The following TTC29 variants were observed in gnomAD, a reference collection of about 807,000 sequenced individuals.
The protein encoded by TTC29 is tetratricopeptide repeat protein 29.
A neutral mutation model predicts 58.1 loss-of-function variants in TTC29; 49 were observed. That is an observed-to-expected ratio of 0.84 (90% CI 0.67 to 1.07). TTC29 has a LOEUF of 1.07. Ranked by LOEUF, TTC29 falls within the 50% of genes least tolerant of loss-of-function variation. TTC29 has a pLI of 0.00. For missense variants in TTC29, 582 were observed against 555.6 expected (o/e 1.05, Z -0.48); for synonymous variants, 209 against 196.8 (o/e 1.06, Z -0.52).
At chr4:146,793,610 CA>C (rs1749626006) in intron 11 of TTC29, among the ~76,000 whole-genome samples, 1 of 152,096 alleles carries the variant, frequency 6.6e-6, no homozygotes, top group Non-Finnish European at 1.5e-5. Flanking sequence ...ACTGAACCCA[CA>C]ATATCTCCAA....
chr4:146,719,277 A>G (rs1368249515), intron 11 of TTC29, among the ~76,000 whole-genome samples: 3 of 151,562 alleles, frequency 2.0e-5, no homozygotes, highest in African/African-American at 7.3e-5. Flanking sequence ...TTTATGAAAA[A>G]TGACGTTAAA....
intron 8 of TTC29, among the ~76,000 whole-genome samples, chr4:146,843,304 C>G (rs753939951): frequency 6.6e-6 from 1 of 152,120 alleles, no homozygotes; most frequent in African/African-American, 2.4e-5. Flanking sequence ...TTAGGGATGT[C>G]GCTTTGTAAA....
chr4:146,757,396 C>A (rs7691011), intron 11 of TTC29, among the ~76,000 whole-genome samples: 2 of 152,056 alleles, frequency 1.3e-5, no homozygotes. Flanking sequence ...AATATCTATG[C>A]GTCTCTCAGC....
intron 11 of TTC29, among the ~76,000 whole-genome samples, chr4:146,714,872 ACTT>A (rs1294132183): frequency 7.2e-5 from 11 of 152,238 alleles, no homozygotes; most frequent in Middle Eastern, 3.4e-3. Flanking sequence ...GTAATTGTAA[ACTT>A]CTTCTTTTAT....
intron 11 of TTC29, among the ~76,000 whole-genome samples, chr4:146,785,606 A>C (rs1237040878): frequency 4.0e-5 from 6 of 151,774 alleles, no homozygotes; most frequent in Admixed American, 3.9e-4. Context: ...TCCTTAGAGA[A>C]CCTTCTTTTC....
At chr4:146,894,382 G>C (rs1428598083) in intron 6 of TTC29, among the ~76,000 whole-genome samples, 2 of 151,908 alleles carry the variant, frequency 1.3e-5, no homozygotes, top group African/African-American at 4.8e-5. Context: ...CCTTTGTAGG[G>C]ACATGGATGA....
intron 4 of TTC29, among the ~76,000 whole-genome samples, chr4:146,934,708 C>T (rs998682299): frequency 2.0e-5 from 3 of 151,998 alleles, no homozygotes; most frequent in Non-Finnish European, 4.4e-5. Context: ...CTGAAGTGCT[C>T]CAGTGTGGAG....
At chr4:146,708,111 AC>A (rs1375137447) in intron 11 of TTC29, among the ~76,000 whole-genome samples, 1 of 151,854 alleles carries the variant, frequency 6.6e-6, no homozygotes, top group Non-Finnish European at 1.5e-5. Context: ...GCTGAATACT[AC>A]TTAGTGACTT....
rs779996252 is a variant in TTC29, at chr4:146,874,819, A to C, written c.696T>G (p.Ser232Arg). The change falls in exon 7 of 13, where the codon AGT becomes AGG. Residue 232 changes from serine (S) to arginine (R), a missense_variant. Transcript: ENST00000325106. Reference sequence around the variant, plus strand: ...AGAGTAATCTGTAAGTCCTCAGGAGACTCTCACAGGCCAACAAGTTGAGAG... The same window carrying C: ...AGAGTAATCTGTAAGTCCTCAGGAGCCTCTCACAGGCCAACAAGTTGAGAG... ...GRSLNLLACESLLRTYRLLSD... is the reference protein window; with the variant it reads ...GRSLNLLACERLLRTYRLLSD... 1 of 1,612,824 alleles carries C rather than the reference A, an allele frequency of 6.2e-7. No homozygotes were observed. Among genetic ancestry groups the C allele is most frequent in the Non-Finnish European group, 8.5e-7 (1 of 1,179,518 alleles).
chr4:146,911,797 C>A (rs1733915830), intron 4 of TTC29, among the ~76,000 whole-genome samples: 1 of 152,188 alleles, frequency 6.6e-6, no homozygotes, highest in Non-Finnish European at 1.5e-5. Flanking sequence ...TTCCTGCAAC[C>A]ACTAGCGGAT....
At chr4:146,748,828 T>C (rs1745744902) in intron 11 of TTC29, among the ~76,000 whole-genome samples, 1 of 152,038 alleles carries the variant, frequency 6.6e-6, no homozygotes, top group African/African-American at 2.4e-5. Flanking sequence ...ACAAGACAGA[T>C]GAAACAATAA....
At position 146,722,589 on chromosome 4, in the gene TTC29, A is replaced by G. The variant is rs190814251; in HGVS notation, c.1331-15038T>C. On this transcript the variant is annotated intron_variant, in intron 11 of 12. Transcript: ENST00000325106. ...CAATGGAAAAAAGACTCCTTATTCA[A>G]TAAATGGTGCTAGAATAGCTGGCTA... Among the ~76,000 whole-genome samples the G allele has an allele frequency of 3.0e-4, 45 of 152,346 alleles. No individual in the cohort carries two copies. In the East Asian group the frequency reaches 8.5e-3, roughly 29 times the overall value.
rs192335228 is a variant in TTC29, at chr4:146,813,321, C to T, written c.1101+6804G>A. 1.9e-4 allele frequency among the ~76,000 whole-genome samples: 29 copies of T among 152,252 alleles called. 1 individual carries two copies. In the South Asian group the frequency reaches 3.5e-3, roughly 18 times the overall value. On this transcript the variant is annotated intron_variant, in intron 10 of 12. Transcript: ENST00000325106. ...AGAAATCTTATAAACCTAGTTATTT[C>T]CTCTGAAACATTCTCATTTGACCAC...
chr4:146,763,470 G>C (rs2150065182), intron 11 of TTC29, among the ~76,000 whole-genome samples: 1 of 152,088 alleles, frequency 6.6e-6, no homozygotes, highest in African/African-American at 2.4e-5. Context: ...TGTAGTGTAG[G>C]GTAGGGTAGA....
chr4:146,904,040 C>T (rs528249364), intron 5 of TTC29, among the ~76,000 whole-genome samples: 5 of 152,218 alleles, frequency 3.3e-5, no homozygotes, highest in African/African-American at 1.2e-4. Context: ...TAGCAACATG[C>T]TGAGTGCTTT....
chr4:146,726,308 G>A (rs1743778037), intron 11 of TTC29, among the ~76,000 whole-genome samples: 1 of 152,058 alleles, frequency 6.6e-6, no homozygotes, highest in Non-Finnish European at 1.5e-5. Context: ...CAAAAAGTAG[G>A]TGGGTGTGGT....
At chr4:146,896,307 T>C (rs951990037) in intron 6 of TTC29, among the ~76,000 whole-genome samples, 2 of 152,210 alleles carry the variant, frequency 1.3e-5, no homozygotes, top group African/African-American at 2.4e-5. Flanking sequence ...TTCTCAACTG[T>C]ACAGCATTTC....
Position 146,909,199 on chromosome 4 carries a change from C to A in TTC29, c.227G>T (p.Gly76Val). Residue 76 changes from glycine to valine, a missense_variant, in exon 5 of 13, where the codon GGT (glycine) becomes GTT (valine). Gly to Val is a moderately radical substitution (Grantham distance 109). Coordinates refer to ENST00000325106, the MANE Select transcript of TTC29 (RefSeq NM_031956.4). ...KNICVDMLRDGYHKSFTELFA... is the reference protein window; with the variant it reads ...KNICVDMLRDVYHKSFTELFA... ...GAGCTCGGTGAAGGACTTATGATAACCATCTCGCAGCATGTCCACACAGAT... is the reference window on the plus strand; with the variant it reads ...GAGCTCGGTGAAGGACTTATGATAAACATCTCGCAGCATGTCCACACAGAT... 6.2e-7 allele frequency: 1 copy of A among 1,613,656 alleles called. No homozygotes were observed. The highest frequency in any genetic ancestry group is 1.1e-5 in the South Asian group (1 of 91,072).
At chr4:146,888,754 C>A (rs1331600153) in intron 6 of TTC29, among the ~76,000 whole-genome samples, 1 of 152,118 alleles carries the variant, frequency 6.6e-6, no homozygotes, top group East Asian at 1.9e-4. Context: ...ATTTGACACA[C>A]AGTTTTTAAT....
Sources: allele counts gnomAD v4.1 joint callset (sites outside exome capture counted in the v4.1 genomes callset), GRCh38; gene constraint gnomAD v4.1.1; transcripts MANE v1.5; gene names NCBI Gene and HGNC (gene_info 2026-07-23, HGNC 2026-07-21).